CACNA1H: variants seen among roughly 807,000 people sequenced by gnomAD.
CACNA1H encodes calcium voltage-gated channel subunit alpha1 H.
In CACNA1H, 149 loss-of-function variants were observed where a neutral mutation model predicts 192.5. The observed-to-expected ratio is 0.77, with a 90% CI of 0.68 to 0.89. CACNA1H has a LOEUF of 0.89. Among genes scored for constraint, CACNA1H ranks in the 40% least tolerant of loss-of-function variants. The pLI, the probability that CACNA1H is intolerant of heterozygous loss-of-function variation, is 0.00. For missense variants in CACNA1H, 4,257 were observed against 3,423.5 expected (o/e 1.24, Z -6.08); for synonymous variants, 2,202 against 1,475.2 (o/e 1.49, Z -11.29).
rs942222931 is a variant in CACNA1H, at chr16:1,202,313, G to T, written c.1863G>T (p.Val621=). ...MNYPTILPSG[V]GSGKGSTSPG... ...ACCCCACGATCCTGCCCTCAGGGGT[G>T]GGCAGCGGCAAAGGCAGCACCAGCC... The change falls in exon 9 of 35, where the codon GTG becomes GTT. Residue 621 remains valine, a synonymous_variant. Coordinates refer to ENST00000348261, the MANE Select transcript of CACNA1H (RefSeq NM_021098.3). The T allele has an allele frequency of 5.7e-6, 9 of 1,583,826 alleles. No individual in the cohort carries two copies. Among genetic ancestry groups the T allele is most frequent in the Non-Finnish European group, 7.7e-6 (9 of 1,167,338 alleles).
At chr16:1,196,393 G>T (rs548593469) in intron 5 of CACNA1H, among the ~76,000 whole-genome samples, 1 of 152,240 alleles carries the variant, frequency 6.6e-6, no homozygotes, top group Admixed American at 6.5e-5. Flanking sequence ...GTGGCTCGTG[G>T]TGGAGACACT....
At chr16:1,169,977 G>A (rs144367160) in intron 2 of CACNA1H, among the ~76,000 whole-genome samples, 1 of 152,362 alleles carries the variant, frequency 6.6e-6, no homozygotes, top group East Asian at 1.9e-4. Context: ...CGGGATCAAG[G>A]ATGTTTTAAT....
At position 1,206,160 on chromosome 16, in the gene CACNA1H, G is replaced by A. The variant is rs1480848478; in HGVS notation, c.2660G>A (p.Arg887Gln). 8.2e-6 allele frequency: 13 copies of A among 1,585,690 alleles called. No individual in the cohort carries two copies. The highest frequency in any genetic ancestry group is 1.1e-5 in the Non-Finnish European group (13 of 1,167,872). ...GGCTTGTCTGTGCTGCGCACCTTCCGGCTGCTGCGTGTGCTGAAGCTGGTG... is the reference window on the plus strand; with the variant it reads ...GGCTTGTCTGTGCTGCGCACCTTCCAGCTGCTGCGTGTGCTGAAGCTGGTG... ...DGGLSVLRTF[R>Q]LLRVLKLVRF... The change falls in exon 12 of 35, where the codon CGG becomes CAG. Residue 887 changes from arginine to glutamine, a missense_variant. By Grantham distance (43) the Arg-to-Gln change is conservative. Transcript: ENST00000348261.
intron 2 of CACNA1H, among the ~76,000 whole-genome samples, chr16:1,175,614 G>A (rs560253679): frequency 6.6e-5 from 10 of 152,284 alleles, no homozygotes; most frequent in Non-Finnish European, 1.2e-4. Flanking sequence ...AGCTGGCCCC[G>A]TCCATTTACT....
intron 2 of CACNA1H, among the ~76,000 whole-genome samples, chr16:1,176,174 CGCTGTGTGGTTACAGAT>C (rs1438742020): frequency 2.0e-5 from 3 of 152,258 alleles, no homozygotes; most frequent in South Asian, 4.1e-4. Flanking sequence ...TAAACATAAA[CGCTGTGTGGTTACAGAT>C]GCTGTGTGGT....
chr16:1,179,990 C>T (rs1274882487), intron 2 of CACNA1H, among the ~76,000 whole-genome samples: 6 of 152,214 alleles, frequency 3.9e-5, no homozygotes, highest in Non-Finnish European at 8.8e-5. Context: ...CTGCCTCGGC[C>T]TCCAAAAGTG....
At chr16:1,186,987 C>G (rs991322072) in intron 2 of CACNA1H, among the ~76,000 whole-genome samples, 1 of 152,232 alleles carries the variant, frequency 6.6e-6, no homozygotes, top group Non-Finnish European at 1.5e-5. Context: ...GGGTCTGCGG[C>G]TGGCCCGGCC....
chr16:1,205,843 C>T (rs1265719433), intron 11 of CACNA1H, among the ~76,000 whole-genome samples: 1 of 152,210 alleles, frequency 6.6e-6, no homozygotes, highest in Non-Finnish European at 1.5e-5. Context: ...GGCGAAGGAG[C>T]TTCCCTGCCC....
rs1567493808 is a variant in CACNA1H, at chr16:1,195,090, G to A, written c.411+7G>A. The A allele has an allele frequency of 6.3e-7, 1 of 1,585,866 alleles. No homozygotes were observed. On this transcript the variant is annotated splice_region_variant and intron_variant, in intron 3 of 34. Coordinates refer to ENST00000348261, the MANE Select transcript of CACNA1H (RefSeq NM_021098.3). ...GCGCTGCAACATCCTGGAGGTGAGG[G>A]GCGTGGGTCGGGGTGGGGAAGGAGC... is the stretch of plus-strand genomic sequence containing the variant.
chr16:1,177,878 C>T (rs1965050750), intron 2 of CACNA1H, among the ~76,000 whole-genome samples: 1 of 151,954 alleles, frequency 6.6e-6, no homozygotes, highest in Non-Finnish European at 1.5e-5. Context: ...CTCCCAAAGG[C>T]CCCACTGGGT....
intron 2 of CACNA1H, among the ~76,000 whole-genome samples, chr16:1,183,547 C>T (rs1323478911): frequency 6.6e-6 from 1 of 152,246 alleles, no homozygotes; most frequent in Admixed American, 6.5e-5. Context: ...TGCCCTCCCC[C>T]TTCCCACCCA....
intron 5 of CACNA1H, among the ~76,000 whole-genome samples, chr16:1,197,453 T>G (rs1179450348): frequency 6.6e-6 from 1 of 152,222 alleles, no homozygotes; most frequent in East Asian, 1.9e-4. Flanking sequence ...GTGGCCCTAA[T>G]TGTCGCCAGC....
Position 1,180,054 on chromosome 16 carries a change from A to G in CACNA1H, c.300-14918A>G, listed in dbSNP as rs1965312341. Among the ~76,000 whole-genome samples, 1 of 152,072 alleles carries G rather than the reference A, an allele frequency of 6.6e-6. No homozygotes were observed. Among genetic ancestry groups the G allele is most frequent in the African/African-American group, 2.4e-5 (1 of 41,410 alleles). The stretch of plus-strand genomic sequence containing the variant: ...CCGGCCCGGCCTTGTTTTTTAATAT[A>G]CATCTGGTTGCCGGGTGATACTGAG... On this transcript the variant is annotated intron_variant, in intron 2 of 34. Transcript: ENST00000348261. This position sits in a 1 kb window ranked among gnomAD's most constrained non-coding sequence, Gnocchi z 4.4.
intron 2 of CACNA1H, among the ~76,000 whole-genome samples, chr16:1,170,521 C>T (rs1233734378): frequency 4.6e-5 from 7 of 152,210 alleles, no homozygotes; most frequent in Admixed American, 1.3e-4. Flanking sequence ...CGACACCGGC[C>T]TGCGGACCCC....
Position 1,218,953 on chromosome 16 carries a change from A to G in CACNA1H, c.5888-17A>G, listed in dbSNP as rs1156708314. ...GGCAGGGGCAGAGCTGCCAGCTTAG[A>G]TTCTTCCCTGCCCCAGGCTCCGTTG... On this transcript the variant is annotated splice_polypyrimidine_tract_variant and intron_variant, in intron 33 of 34. Transcript: ENST00000348261. 1 of 1,549,210 alleles carries G rather than the reference A, an allele frequency of 6.5e-7. No individual in the cohort carries two copies. The highest frequency in any genetic ancestry group is 2.0e-5 in the Admixed American group (1 of 50,960).
chr16:1,211,363 C>T, intron 22 of CACNA1H, 69 bp downstream of exon 22: 1 of 1,608,040 alleles, frequency 6.2e-7, no homozygotes, highest in South Asian at 1.1e-5. Context: ...AGCGTGGCTC[C>T]CAGCAGCGCC....
Position 1,212,133 on chromosome 16 carries a change from G to A in CACNA1H, c.4754G>A (p.Arg1585His), listed in dbSNP as rs774569737. 8.1e-6 allele frequency: 13 copies of A among 1,604,788 alleles called. No homozygotes were observed. Among genetic ancestry groups the A allele is most frequent in the Middle Eastern group, 3.9e-4 (2 of 5,124 alleles). The change falls in exon 25 of 35, where the codon CGC becomes CAC. Residue 1585 changes from arginine (R) to histidine (H), a missense_variant. Transcript: ENST00000348261. ...CGGCTGCGGCGCCTAGAGAGGAGGC[G>A]CAGGAGTAAGGCGCTCCCGGTGGCG... is the stretch of plus-strand genomic sequence containing the variant. ...EKRLRRLERR[R>H]RSTFPSPEAQ...
At chr16:1,201,589 G>A in intron 8 of CACNA1H, 74 bp from the exon 9 acceptor site, 1 of 1,474,562 alleles carries the variant, frequency 6.8e-7, no homozygotes, top group Non-Finnish European at 9.1e-7. Context: ...CGAACAGGCA[G>A]CGCACAGTAG....
At chr16:1,173,168 G>A (rs1223737439) in intron 2 of CACNA1H, among the ~76,000 whole-genome samples, 3 of 152,190 alleles carry the variant, frequency 2.0e-5, no homozygotes, top group South Asian at 2.1e-4. Context: ...TGACGGGCGC[G>A]AGGTGGAGGT....
Sources: gnomAD v4.1 joint callset for allele counts (sites outside exome capture counted in the v4.1 genomes callset) on GRCh38, gnomAD v4.1.1 for gene constraint, Gnocchi (gnomAD v3.1) non-coding constraint, MANE v1.5 for transcripts, NCBI Gene and HGNC (gene_info 2026-07-23, HGNC 2026-07-21) for gene names.